The following CEP350 variants were observed in gnomAD, a reference collection of about 807,000 sequenced individuals.
CEP350 encodes the protein centrosome-associated protein 350.
CEP350 carries 126 observed loss-of-function variants against 331.8 expected under a neutral mutation model. That is an observed-to-expected ratio of 0.38 (90% CI 0.33 to 0.44). The LOEUF is 0.44. CEP350 is among the 20% of genes least tolerant of loss of function. The probability of loss-of-function intolerance (pLI) is 1.00; values close to 1 mark genes in which losing one functional copy is unlikely to be tolerated. For missense variants in CEP350, 3,406 were observed against 3,634.6 expected (o/e 0.94, Z 1.62); for synonymous variants, 1,200 against 1,259.5 (o/e 0.95, Z 1.00).
chr1:180,008,148 T>C (rs1209272433), intron 8 of CEP350, among the ~76,000 whole-genome samples: 3 of 152,174 alleles, frequency 2.0e-5, no homozygotes, highest in African/African-American at 7.2e-5. Context: ...AGAGAATAAA[T>C]GTTGCACATC....
At chr1:180,071,302 C>T (rs1018654691) in intron 27 of CEP350, among the ~76,000 whole-genome samples, 1 of 131,450 alleles carries the variant, frequency 7.6e-6, no homozygotes, top group African/African-American at 2.9e-5. Context: ...TACTAAAAAT[C>T]CAAAAAATTA....
chr1:180,039,128 T>TG (rs1217351269), intron 17 of CEP350, among the ~76,000 whole-genome samples: 8 of 34,022 alleles, frequency 2.4e-4, no homozygotes, highest in African/African-American at 7.0e-4. Context: ...TTGGGCGTGG[T>TG]GGGGGGGTGG....
In CEP350 at chr1:180,004,885, T is replaced by G. The variant is rs972308415; in HGVS notation, c.1133-1569T>G. Among the ~76,000 whole-genome samples, 219 of 71,424 alleles carry G rather than the reference T, an allele frequency of 3.1e-3. 1 individual carries two copies. Among genetic ancestry groups the G allele is most frequent in the African/African-American group, 8.9e-3 (171 of 19,266 alleles). The allele number at this position is 71,424 out of a possible 152,430, so 46.9% of individuals were successfully genotyped here. A position where few individuals can be genotyped will look rare whatever the true frequency, so the allele number is the denominator to read the frequency against. ...AGGCAGGCTGGCTGGCTTGCTTGCT[T>G]GCTTGCTTGCTTGCTTGCTTGCTTT... On this transcript the variant is annotated intron_variant, in intron 7 of 37. Transcript: ENST00000367607.
At chr1:180,100,378 T>C (rs1572001970) in intron 37 of CEP350, among the ~76,000 whole-genome samples, 2 of 152,378 alleles carry the variant, frequency 1.3e-5, no homozygotes, top group Admixed American at 1.3e-4. Context: ...TCTTAAAGTC[T>C]GAATTGTTAT....
intron 23 of CEP350, 141 bp from the exon 24 acceptor site, chr1:180,053,609 C>A: frequency 2.0e-6 from 1 of 500,192 alleles, no homozygotes; most frequent in African/African-American, 1.9e-5. Context: ...GCCTCATGTG[C>A]CTTTTTAAAG....
Position 180,024,537 on chromosome 1 carries a change from T to A in CEP350, c.3505T>A (p.Ser1169Thr). Residue 1169 changes from serine to threonine, a missense_variant, in exon 14 of 38, where the codon TCT (serine) becomes ACT (threonine). Coordinates refer to ENST00000367607, the MANE Select transcript of CEP350 (RefSeq NM_014810.5). ...GAQSAASSRS[S>T]TSSKGKKGKK... ...CCAGTCTGCTGCATCGTCTCGTTCA[T>A]CTACTTCTTCTAAAGGAAAGAAAGG... The A allele has an allele frequency of 6.2e-7, 1 of 1,613,080 alleles. No homozygotes were observed. Among genetic ancestry groups the A allele is most frequent in the Non-Finnish European group, 8.5e-7 (1 of 1,179,530 alleles).
At chr1:179,997,931 C>T (rs968959117) in intron 6 of CEP350, among the ~76,000 whole-genome samples, 2 of 151,894 alleles carry the variant, frequency 1.3e-5, no homozygotes, top group African/African-American at 4.8e-5. Flanking sequence ...ATTTACCATC[C>T]TCATATTTAA....
Position 180,048,537 on chromosome 1 carries a change from A to AGTAGCAGTG in CEP350, c.4632_4640dup (p.Gly1545_Ser1547dup). On this transcript the variant is annotated inframe_insertion and splice_region_variant, in exon 22 of 38. Coordinates refer to ENST00000367607, the MANE Select transcript of CEP350 (RefSeq NM_014810.5). ...TTGTTTCCATGTATCCATAAAAAGA[A>AGTAGCAGTG]GTAGCAGTGGTAGCAGCCGCCAAGA... 1.3e-6 allele frequency: 2 copies of AGTAGCAGTG among 1,592,288 alleles called. No individual in the cohort carries two copies. Among genetic ancestry groups the AGTAGCAGTG allele is most frequent in the Non-Finnish European group, 1.7e-6 (2 of 1,166,080 alleles).
intron 8 of CEP350, among the ~76,000 whole-genome samples, chr1:180,009,686 A>T (rs533320950): frequency 1.3e-5 from 2 of 152,296 alleles, no homozygotes; most frequent in Non-Finnish European, 2.9e-5. Flanking sequence ...ATCAGGCTGA[A>T]ATTGAAGAGA....
intron 33 of CEP350, 108 bp from the exon 34 acceptor site, chr1:180,092,506 T>C (rs1260278120): frequency 3.0e-6 from 2 of 662,620 alleles, no homozygotes; most frequent in African/African-American, 1.8e-5. Flanking sequence ...ATTTATTGAC[T>C]AGAGGGGTTT....
intron 32 of CEP350, among the ~76,000 whole-genome samples, chr1:180,088,795 G>C (rs1244470033): frequency 6.6e-6 from 1 of 152,048 alleles, no homozygotes; most frequent in Non-Finnish European, 1.5e-5. Context: ...CATGTTATGA[G>C]GGTTAAAAGA....
At chr1:180,043,951 T>C (rs1656944236) in intron 20 of CEP350, 100 bp from the exon 21 acceptor site, 1 of 1,025,812 alleles carries the variant, frequency 9.7e-7, no homozygotes, top group Non-Finnish European at 1.3e-6. Context: ...ATAATATCTA[T>C]TTGTTCAAGA....
At chr1:180,074,173 A>C (rs1046776484) in intron 27 of CEP350, among the ~76,000 whole-genome samples, 7 of 152,114 alleles carry the variant, frequency 4.6e-5, no homozygotes, top group Admixed American at 1.3e-4. Context: ...ACCACTATAG[A>C]TGTAACACTA....
intron 6 of CEP350, among the ~76,000 whole-genome samples, chr1:180,001,053 C>A (rs1008620656): frequency 2.0e-5 from 3 of 152,090 alleles, no homozygotes; most frequent in Admixed American, 2.0e-4. Context: ...CTTATACTTA[C>A]AAAGTACTAC....
intron 27 of CEP350, among the ~76,000 whole-genome samples, chr1:180,067,922 G>A (rs768381982): frequency 6.6e-6 from 1 of 152,174 alleles, no homozygotes; most frequent in Non-Finnish European, 1.5e-5. Flanking sequence ...ATTCGCTATG[G>A]TAGACACCTA....
chr1:179,961,561 T>C (rs1650624964), intron 1 of CEP350, among the ~76,000 whole-genome samples: 1 of 152,344 alleles, frequency 6.6e-6, no homozygotes, highest in South Asian at 2.1e-4. Context: ...GATATTGTTT[T>C]GTTTTGTTTT....
At position 179,972,997 on chromosome 1, in the gene CEP350, AGCT is replaced by A. The variant is rs541865978; in HGVS notation, c.-13-13170_-13-13168del. On this transcript the variant is annotated intron_variant, in intron 1 of 37. Transcript: ENST00000367607. The stretch of plus-strand genomic sequence containing the variant: ...ATTCTCCTGCCTCAGCCTCCCGAGT[AGCT>A]GGGACTACAGGCGCCCACCACCACA... 2.4e-4 allele frequency among the ~76,000 whole-genome samples: 36 copies of A among 151,460 alleles called. No homozygotes were observed. The South Asian group carries it at 5.0e-3, about 21-fold the overall frequency.
chr1:180,077,671 TAAAAAAAAA>T lies in CEP350; in HGVS notation c.5768-780_5768-772del, dbSNP rs3067269. ...CAAAGCAAGACCCTGTCTCAAAAAGTAAAAAAAAAAAAAAAAAAAAGCCAAAATAAATGG... is the reference window on the plus strand; with the variant it reads ...CAAAGCAAGACCCTGTCTCAAAAAGTAAAAAAAAAAAGCCAAAATAAATGG... On this transcript the variant is annotated intron_variant, in intron 28 of 37. Transcript: ENST00000367607. 1.3e-4 allele frequency among the ~76,000 whole-genome samples: 13 copies of T among 97,240 alleles called. No individual in the cohort carries two copies. In the South Asian group the frequency reaches 4.6e-3, roughly 34 times the overall value. The allele number at this position is 97,240 out of a possible 152,430, so 63.8% of individuals were successfully genotyped here.
chr1:180,084,134 G>T lies in CEP350; in HGVS notation c.6241G>T (p.Glu2081Ter), dbSNP rs764634637. 1.3e-6 allele frequency: 2 copies of T among 1,586,224 alleles called. No homozygotes were observed. Among genetic ancestry groups the T allele is most frequent in the Non-Finnish European group, 1.7e-6 (2 of 1,165,780 alleles). The stretch of plus-strand genomic sequence containing the variant: ...GAAGGAACAGAAAAAAAGGCAAAAG[G>T]AAAGACTGAAAGCCCAAGAAGCCAG... ...LKKEQKKRQK[E>*]RLKAQEASLI... The change falls in exon 31 of 38, where the codon GAA becomes TAA. Residue 2081 changes from glutamate to a stop codon, truncating the protein, a stop_gained. Transcript: ENST00000367607. LOFTEE classifies it high-confidence loss of function.
Sources: allele counts gnomAD v4.1 joint callset (sites outside exome capture counted in the v4.1 genomes callset), GRCh38; gene constraint gnomAD v4.1.1; transcripts MANE v1.5; gene names NCBI Gene and HGNC (gene_info 2026-07-23, HGNC 2026-07-21).